Variants in TEX15 observed in about 807,000 individuals in gnomAD.
The protein encoded by TEX15 is testis-expressed protein 15.
In TEX15, 171 loss-of-function variants were observed where a neutral mutation model predicts 237.3. The ratio of observed to expected loss-of-function variants is 0.72; its 90% CI spans 0.64 to 0.82. The LOEUF (loss-of-function observed/expected upper bound fraction) is 0.82, where lower values mean the gene tolerates loss of function less well. Among genes scored for constraint, TEX15 ranks in the 40% least tolerant of loss-of-function variants. The pLI, the probability that TEX15 is intolerant of heterozygous loss-of-function variation, is 0.00. For synonymous variants in TEX15, 1,338 were observed against 1,269.8 expected (o/e 1.05, Z -1.14); for missense variants, 3,750 against 3,646.5 (o/e 1.03, Z -0.73).
chr8:30,849,367 A>G lies in TEX15; in HGVS notation c.851-51T>C, dbSNP rs532757332. The G allele has an allele frequency of 2.9e-4, 308 of 1,048,272 alleles. 1 individual carries two copies. The highest frequency in any genetic ancestry group is 3.8e-4 in the Non-Finnish European group (285 of 740,970). 64.9% of individuals were successfully genotyped at this position (1,048,272 alleles called of 1,614,324 possible). ...TTTGAAAAAAAGTGTTTCTATAGAC[A>G]ACTATTAATACAGGTACATTGTGTC... On this transcript the variant is annotated intron_variant, in intron 7 of 10. Transcript: ENST00000643185.
chr8:30,839,642 T>C (rs1273829952), intron 9 of TEX15, among the ~76,000 whole-genome samples: 1 of 152,208 alleles, frequency 6.6e-6, no homozygotes, highest in African/African-American at 2.4e-5. Flanking sequence ...ACTCAGAATA[T>C]TCTTAACCTT....
At chr8:30,839,777 T>C (rs1233614507) in intron 9 of TEX15, 129 bp downstream of exon 9, 5 of 533,446 alleles carry the variant, frequency 9.4e-6, no homozygotes, top group Non-Finnish European at 1.3e-5. Context: ...TTCCTTAGCT[T>C]ACTCTCATCC....
rs186097078 is a variant in TEX15, at chr8:30,846,731, C to T, written c.3436G>A (p.Glu1146Lys). 162 of 1,613,698 alleles carry T rather than the reference C, an allele frequency of 1.0e-4. 1 individual carries two copies. The East Asian group carries it at 3.1e-3, about 31-fold the overall frequency. The change falls in exon 8 of 11, where the codon GAA (glutamate) becomes AAA (lysine). Residue 1146 changes from glutamate to lysine, a missense_variant. Physicochemically the swap from Glu to Lys is moderately conservative, Grantham distance 56. Transcript: ENST00000643185. The part of the protein sequence containing the change: ...FYSSTQNNET[E>K]LTSPILLPDL... ...GGAAGTAAAATTGGGCTGGTAAGTT[C>T]TGTTTCATTGTTTTGTGTAGAGGAA...
intron 3 of TEX15, among the ~76,000 whole-genome samples, chr8:30,877,103 G>C (rs1305671728): frequency 6.6e-6 from 1 of 152,166 alleles, no homozygotes; most frequent in Non-Finnish European, 1.5e-5. Flanking sequence ...ATACAACAAT[G>C]TAGCACCATC....
intron 2 of TEX15, among the ~76,000 whole-genome samples, chr8:30,893,796 G>A (rs925471101): frequency 6.6e-6 from 1 of 152,170 alleles, no homozygotes; most frequent in East Asian, 1.9e-4. Flanking sequence ...TCTAGGCTAA[G>A]TATTTGATGA....
At chr8:30,904,273 C>A (rs775858490) in intron 1 of TEX15, among the ~76,000 whole-genome samples, 2 of 151,980 alleles carry the variant, frequency 1.3e-5, no homozygotes, top group Admixed American at 6.6e-5. Flanking sequence ...ACGGGGAAAC[C>A]CCATCTCTAC....
intron 5 of TEX15, among the ~76,000 whole-genome samples, chr8:30,863,229 T>C (rs1808089523): frequency 6.6e-6 from 1 of 152,218 alleles, no homozygotes; most frequent in African/African-American, 2.4e-5. Context: ...CTCCAATTAG[T>C]ATTTCCTTTG....
At chr8:30,863,573 C>T (rs982911060) in intron 5 of TEX15, among the ~76,000 whole-genome samples, 5 of 152,072 alleles carry the variant, frequency 3.3e-5, no homozygotes, top group Non-Finnish European at 5.9e-5. Flanking sequence ...TGTTGCAAGC[C>T]CCTCCTTGCC....
At chr8:30,894,586 G>A (rs1808857160) in intron 2 of TEX15, among the ~76,000 whole-genome samples, 1 of 152,112 alleles carries the variant, frequency 6.6e-6, no homozygotes, top group Non-Finnish European at 1.5e-5. Flanking sequence ...GTTCCACAAG[G>A]GTGCCAAGAC....
rs1292949169 is a variant in TEX15, at chr8:30,880,023, GGTT to G, written c.137-4924_137-4922del. On this transcript the variant is annotated intron_variant, in intron 3 of 10. Transcript: ENST00000643185. ...TTTGTACCTAAGTATTTCATTTTAA[GGTT>G]ATTATCTTTTATTTTACTTTGAGGT... is the stretch of plus-strand genomic sequence containing the variant. Among the ~76,000 whole-genome samples the G allele has an allele frequency of 2.0e-5, 3 of 151,684 alleles. No homozygotes were observed. The East Asian group carries it at 5.8e-4, about 29-fold the overall frequency.
intron 1 of TEX15, among the ~76,000 whole-genome samples, chr8:30,910,370 T>C (rs1809192476): frequency 6.6e-6 from 1 of 152,154 alleles, no homozygotes; most frequent in Non-Finnish European, 1.5e-5. Flanking sequence ...TTTCAAAAAG[T>C]GCCAGTGGAA....
intron 10 of TEX15, among the ~76,000 whole-genome samples, chr8:30,834,124 T>TA (rs1036484933): frequency 2.6e-5 from 4 of 152,128 alleles, no homozygotes; most frequent in African/African-American, 9.7e-5. Flanking sequence ...ACCAAATTAA[T>TA]AAAAAAGGAA....
chr8:30,837,992 ATTTCT>A lies in TEX15; in HGVS notation c.8287_8291del (p.Arg2763SerfsTer8), dbSNP rs1807350127. ...TTTCAACCTTTTTTGGCGTTAAATG[ATTTCT>A]TTTCAGACTGTCACATGAACTTGGT... is the stretch of plus-strand genomic sequence containing the variant. On this transcript the variant is annotated frameshift_variant, in exon 10 of 11. Coordinates refer to ENST00000643185, the MANE Select transcript of TEX15 (RefSeq NM_001350162.2). LOFTEE classifies it high-confidence loss of function. 6.2e-7 allele frequency: 1 copy of A among 1,613,834 alleles called. No individual in the cohort carries two copies. The highest frequency in any genetic ancestry group is 8.5e-7 in the Non-Finnish European group (1 of 1,179,960).
intron 3 of TEX15, among the ~76,000 whole-genome samples, chr8:30,886,482 C>A (rs991403136): frequency 2.0e-5 from 3 of 152,156 alleles, no homozygotes; most frequent in African/African-American, 7.2e-5. Context: ...CTCATCACCA[C>A]AAAGCAAGGG....
chr8:30,900,601 G>A (rs2128778902), intron 1 of TEX15, among the ~76,000 whole-genome samples: 1 of 152,274 alleles, frequency 6.6e-6, no homozygotes, highest in South Asian at 2.1e-4. Flanking sequence ...TATAAGAAAG[G>A]AAATATGCAT....
At chr8:30,909,597 C>T (rs534071275) in intron 1 of TEX15, among the ~76,000 whole-genome samples, 2 of 152,254 alleles carry the variant, frequency 1.3e-5, no homozygotes, top group East Asian at 3.9e-4. Flanking sequence ...ATTTTCTGAA[C>T]TTTGCTTAGT....
chr8:30,848,388 A>C lies in TEX15; in HGVS notation c.1779T>G (p.Tyr593Ter). ...DSQSSDLKTI[Y>*]QTGCQTSTVF... ...CTGTAGACGTTTGGCAACCAGTCTG[A>C]TAAATTGTTTTTAAATCAGAAGACT... Residue 593 changes from tyrosine (Y) to a stop codon, truncating the protein, a stop_gained, in exon 8 of 11, where the codon TAT becomes TAG. Transcript: ENST00000643185. LOFTEE classifies it high-confidence loss of function. The C allele has an allele frequency of 6.2e-7, 1 of 1,614,112 alleles. No homozygotes were observed. The highest frequency in any genetic ancestry group is 8.5e-7 in the Non-Finnish European group (1 of 1,180,012).
In TEX15 at chr8:30,845,751, C is replaced by T. The variant is rs1193715440; in HGVS notation, c.4416G>A (p.Val1472=). 1 of 1,613,578 alleles carries T rather than the reference C, an allele frequency of 6.2e-7. No individual in the cohort carries two copies. Among genetic ancestry groups the T allele is most frequent in the African/African-American group, 1.3e-5 (1 of 75,016 alleles). Residue 1472 remains valine, a synonymous_variant, in exon 8 of 11, where the codon GTG becomes GTA. Coordinates refer to ENST00000643185, the MANE Select transcript of TEX15 (RefSeq NM_001350162.2). ...TTGTTTTATAAGACTTGTGCTTTGA[C>T]ACATGGGTTAATGATTTAGAAATAT... ...KADISKSLTH[V]SKHKSYKTSG...
intron 7 of TEX15, among the ~76,000 whole-genome samples, chr8:30,856,998 T>C (rs1036743064): frequency 3.3e-5 from 5 of 152,228 alleles, no homozygotes; most frequent in African/African-American, 1.2e-4. Context: ...ATCAGTTATA[T>C]AGGTATTAGT....
Sources: allele counts gnomAD v4.1 joint callset (sites outside exome capture counted in the v4.1 genomes callset), GRCh38; gene constraint gnomAD v4.1.1; transcripts MANE v1.5; gene names NCBI Gene and HGNC (gene_info 2026-07-23, HGNC 2026-07-21).